The following SCD variants were observed in gnomAD, a reference collection of about 807,000 sequenced individuals.
SCD encodes stearoyl-CoA desaturase.
A neutral mutation model predicts 35.7 loss-of-function variants in SCD; 4 were observed. The ratio of observed to expected loss-of-function variants is 0.11; its 90% CI spans 0.06 to 0.26. The LOEUF is 0.26. SCD is among the 10% of genes least tolerant of loss of function. The pLI is 1.00. For synonymous variants in SCD, 150 were observed against 170.2 expected, an observed-to-expected ratio of 0.88 and a Z score of 0.92; for missense variants, 282 against 460.7, an observed-to-expected ratio of 0.61 and a Z score of 3.55.
chr10:100,357,839 G>T (rs1849944265), intron 5 of SCD, among the ~76,000 whole-genome samples: 1 of 152,008 alleles, frequency 6.6e-6, no homozygotes, highest in African/African-American at 2.4e-5. Context: ...TCCTTAAATA[G>T]ATCTGGCGAC....
At chr10:100,357,216 T>C (rs1159863450) in intron 5 of SCD, among the ~76,000 whole-genome samples, 2 of 152,232 alleles carry the variant, frequency 1.3e-5, no homozygotes, top group East Asian at 3.8e-4. Flanking sequence ...CCTTAGAGTT[T>C]TCCTTTCTTT....
chr10:100,357,398 C>T (rs938224641), intron 5 of SCD, among the ~76,000 whole-genome samples: 3 of 152,058 alleles, frequency 2.0e-5, no homozygotes, highest in African/African-American at 4.8e-5. Context: ...AAGAGTGTGC[C>T]GTGCCTTACT....
chr10:100,358,151 C>T (rs1849948071), intron 5 of SCD, among the ~76,000 whole-genome samples: 1 of 152,094 alleles, frequency 6.6e-6, no homozygotes. Context: ...AGGTGCATGC[C>T]ACCATGCTTG....
Position 100,356,332 on chromosome 10 carries a change from C to T in SCD, c.648-200C>T, listed in dbSNP as rs982788339. 2.6e-5 allele frequency among the ~76,000 whole-genome samples: 4 copies of T among 152,074 alleles called. No homozygotes were observed. Among genetic ancestry groups the T allele is most frequent in the Admixed American group, 1.3e-4 (2 of 15,264 alleles). On this transcript the variant is annotated intron_variant, in intron 4 of 5. Coordinates refer to ENST00000370355, the MANE Select transcript of SCD (RefSeq NM_005063.5). The surrounding 1 kb of genome is among the most constrained non-coding windows in gnomAD (Gnocchi z 4.1). ...TCAAGGCTGTGGTGAACTAAGGTCA[C>T]GCCACTGCACTCCAGCCTTGGCAAC...
chr10:100,356,822 C>A lies in SCD; in HGVS notation c.880+58C>A. On this transcript the variant is annotated intron_variant, in intron 5 of 5. Coordinates refer to ENST00000370355, the MANE Select transcript of SCD (RefSeq NM_005063.5). The surrounding 1 kb of genome is among the most constrained non-coding windows in gnomAD (Gnocchi z 4.1). Reference sequence around the variant, plus strand: ...GTGGTCTGCTGATTAGGGGATTAGGCTAGGAGCCAGAAAAACTAGATAAAT... The same window carrying A: ...GTGGTCTGCTGATTAGGGGATTAGGATAGGAGCCAGAAAAACTAGATAAAT... 1 of 1,382,400 alleles carries A rather than the reference C, an allele frequency of 7.2e-7. No homozygotes were observed. Among genetic ancestry groups the A allele is most frequent in the Non-Finnish European group, 1.0e-6 (1 of 979,248 alleles). 85.6% of individuals were successfully genotyped at this position (1,382,400 alleles called of 1,614,324 possible).
intron 5 of SCD, among the ~76,000 whole-genome samples, chr10:100,357,624 C>CTCTTT (rs905170526): frequency 6.6e-6 from 1 of 152,112 alleles, no homozygotes. Context: ...CTTATCTTTT[C>CTCTTT]TCTTTTCTTT....
chr10:100,348,310 T>C lies in SCD; in HGVS notation c.274T>C (p.Leu92=), dbSNP rs756029465. 19 of 1,613,772 alleles carry C rather than the reference T, an allele frequency of 1.2e-5. No homozygotes were observed. The highest frequency in any genetic ancestry group is 2.7e-5 in the African/African-American group (2 of 74,864). ...CTTGGGAGCCCTGTATGGGATCACT[T>C]TGATTCCTACCTGCAAGTTCTACAC... ...LHLGALYGIT[L]IPTCKFYTWL... is the part of the protein sequence containing the mutation. The change falls in exon 2 of 6, where the codon TTG becomes CTG. Residue 92 remains leucine (L), a synonymous_variant. Coordinates refer to ENST00000370355, the MANE Select transcript of SCD (RefSeq NM_005063.5).
At chr10:100,348,431 GC>G in intron 2 of SCD, 85 bp downstream of exon 2, 1 of 1,321,846 alleles carries the variant, frequency 7.6e-7, no homozygotes, top group Non-Finnish European at 1.0e-6. Context: ...GAGGACACCA[GC>G]CCCTCCCAGC....
chr10:100,350,348 A>G (rs1257031421), intron 2 of SCD, among the ~76,000 whole-genome samples: 1 of 152,150 alleles, frequency 6.6e-6, no homozygotes, highest in African/African-American at 2.4e-5. Context: ...CCTATGGACA[A>G]TGTTAAATTA....
rs1850020599 is a variant in SCD at position 100,364,435 on chromosome 10, T to G, written c.*3502T>G. 1 of 152,644 alleles carries G rather than the reference T, an allele frequency of 6.6e-6. No individual in the cohort carries two copies. The highest frequency in any genetic ancestry group is 2.4e-5 in the African/African-American group (1 of 41,450). 9.5% of individuals were successfully genotyped at this position (152,644 alleles called of 1,614,324 possible). ...GTTTTGAGGCATGACTAATGCTTTT[T>G]AGAAAGCATTTTGGGATCCTTCAGC... On this transcript the variant is annotated 3_prime_UTR_variant, in exon 6 of 6. Transcript: ENST00000370355.
Position 100,356,448 on chromosome 10 carries a change from C to A in SCD, c.648-84C>A. 2 of 883,730 alleles carry A rather than the reference C, an allele frequency of 2.3e-6. No individual in the cohort carries two copies. The highest frequency in any genetic ancestry group is 3.7e-6 in the Non-Finnish European group (2 of 544,318). The allele number at this position is 883,730 out of a possible 1,614,324, so 54.7% of individuals were successfully genotyped here. A position where few individuals can be genotyped will look rare whatever the true frequency, so the allele number is the denominator to read the frequency against. The stretch of plus-strand genomic sequence containing the variant: ...GCAATTCAACATGGAAGAAAGACAG[C>A]CCATCCCCTCCCAATTAGTGTGGAA... On this transcript the variant is annotated intron_variant, in intron 4 of 5. Transcript: ENST00000370355. The surrounding 1 kb of genome is among the most constrained non-coding windows in gnomAD (Gnocchi z 4.1).
At chr10:100,360,155 C>T (rs1849975012) in intron 5 of SCD, among the ~76,000 whole-genome samples, 1 of 152,226 alleles carries the variant, frequency 6.6e-6, no homozygotes, top group South Asian at 2.1e-4. Context: ...CCTCCCACCC[C>T]TAGAGGTGGT....
intron 5 of SCD, 142 bp from the exon 6 acceptor site, chr10:100,360,592 T>C: frequency 1.5e-6 from 1 of 677,878 alleles, no homozygotes; most frequent in East Asian, 2.6e-5. Flanking sequence ...TCTGTTTGGT[T>C]CATATTAAAA....
Position 100,354,121 on chromosome 10 carries a change from G to A in SCD, c.442-306G>A, listed in dbSNP as rs150671208. 1.4e-4 allele frequency among the ~76,000 whole-genome samples: 21 copies of A among 152,350 alleles called. No homozygotes were observed. The East Asian group carries it at 3.9e-3, about 28-fold the overall frequency. On this transcript the variant is annotated intron_variant, in intron 3 of 5. Coordinates refer to ENST00000370355, the MANE Select transcript of SCD (RefSeq NM_005063.5). ...CATTCCTTGCTTAAAGAATTGCAATGTTCTCACTTCTTGAAACTCTCTGAG... is the reference window on the plus strand; with the variant it reads ...CATTCCTTGCTTAAAGAATTGCAATATTCTCACTTCTTGAAACTCTCTGAG...
rs479875 is a variant in SCD at position 100,364,270 on chromosome 10, T to C, written c.*3337T>C. The C allele has an allele frequency of 6.6e-6, 1 of 152,454 alleles. No homozygotes were observed. The highest frequency in any genetic ancestry group is 6.5e-5 in the Admixed American group (1 of 15,276). 9.4% of individuals were successfully genotyped at this position (152,454 alleles called of 1,614,324 possible). The stretch of plus-strand genomic sequence containing the variant: ...AAAAAGCGAGGTGGCCATGTTATGC[T>C]GGTGGTTAAGGCCAGGGCCTCTCCA... On this transcript the variant is annotated 3_prime_UTR_variant, in exon 6 of 6. Transcript: ENST00000370355.
At position 100,352,777 on chromosome 10, in the gene SCD, G is replaced by A. The variant is rs1345187675; in HGVS notation, c.441+281G>A. On this transcript the variant is annotated intron_variant, in intron 3 of 5. Coordinates refer to ENST00000370355, the MANE Select transcript of SCD (RefSeq NM_005063.5). This position sits in a 1 kb window ranked among gnomAD's most constrained non-coding sequence, Gnocchi z 4.2. ...TGTGTTGTCACACAATCTGGCCGTT[G>A]TGGCTCTTCATCATAAGGGGCTTTG... Among the ~76,000 whole-genome samples, 1 of 152,206 alleles carries A rather than the reference G, an allele frequency of 6.6e-6. No homozygotes were observed. The highest frequency in any genetic ancestry group is 1.9e-4 in the East Asian group (1 of 5,196).
intron 2 of SCD, among the ~76,000 whole-genome samples, chr10:100,351,833 G>A (rs1038315388): frequency 2.6e-5 from 4 of 152,102 alleles, no homozygotes; most frequent in African/African-American, 9.7e-5. Context: ...GTAGAGGCAA[G>A]GTCTCCCTAT....
At chr10:100,354,312 TG>T in intron 3 of SCD, 114 bp from the exon 4 acceptor site, 1 of 872,636 alleles carries the variant, frequency 1.1e-6, no homozygotes, top group Non-Finnish European at 1.8e-6. Flanking sequence ...CCCAGATTCC[TG>T]GGTATTTTGT....
At chr10:100,358,791 G>T (rs1225765755) in intron 5 of SCD, among the ~76,000 whole-genome samples, 1 of 147,590 alleles carries the variant, frequency 6.8e-6, no homozygotes, top group Admixed American at 6.7e-5. Context: ...AGCCAGGCAT[G>T]GTGGCACGTG....
Sources: allele counts gnomAD v4.1 joint callset (sites outside exome capture counted in the v4.1 genomes callset), GRCh38; gene constraint gnomAD v4.1.1; non-coding constraint Gnocchi (gnomAD v3.1); transcripts MANE v1.5; gene names NCBI Gene and HGNC (gene_info 2026-07-23, HGNC 2026-07-21).